BARD1: variants seen among roughly 807,000 people sequenced by gnomAD.
BARD1 encodes the protein BRCA1 associated RING domain 1, also known as BRCA1-associated RING domain protein 1.
In BARD1, 73 loss-of-function variants were observed where a neutral mutation model predicts 77.0. The observed-to-expected ratio is 0.95, with a 90% CI of 0.79 to 1.15. The LOEUF (loss-of-function observed/expected upper bound fraction) is 1.15. BARD1 is among the 50% of genes most tolerant of loss of function. The pLI is 0.00. For synonymous variants in BARD1, 384 were observed against 338.0 expected, an observed-to-expected ratio of 1.14 and a Z score of -1.49; for missense variants, 993 against 938.8, an observed-to-expected ratio of 1.06 and a Z score of -0.75.
intron 1 of BARD1, among the ~76,000 whole-genome samples, chr2:214,806,895 C>A (rs1366893974): frequency 1.9e-5 from 2 of 103,006 alleles, no homozygotes; most frequent in African/African-American, 7.1e-5. Context: ...AAAAAAAAGG[C>A]ACCCCATGTG....
chr2:214,728,016 T>C lies in BARD1; in HGVS notation c.*660A>G, dbSNP rs1692154064. On this transcript the variant is annotated 3_prime_UTR_variant, in exon 11 of 11. Coordinates refer to ENST00000260947, the MANE Select transcript of BARD1 (RefSeq NM_000465.4). Reference sequence around the variant, plus strand: ...ATGTACAGAATAAAAATATGTACCATGAGCCTAGTGTTGATTTTTACCACA... The same window carrying C: ...ATGTACAGAATAAAAATATGTACCACGAGCCTAGTGTTGATTTTTACCACA... 1 of 221,636 alleles carries C rather than the reference T, an allele frequency of 4.5e-6. No homozygotes were observed. Among genetic ancestry groups the C allele is most frequent in the Admixed American group, 5.7e-5 (1 of 17,428 alleles). The allele number at this position is 221,636 out of a possible 1,614,324, so 13.7% of individuals were successfully genotyped here.
chr2:214,795,789 A>C (rs1695728777), intron 2 of BARD1, among the ~76,000 whole-genome samples: 1 of 152,182 alleles, frequency 6.6e-6, no homozygotes, highest in Non-Finnish European at 1.5e-5. Flanking sequence ...TTACCCAGGC[A>C]GGAAAAGGCT....
intron 1 of BARD1, among the ~76,000 whole-genome samples, chr2:214,804,780 C>G (rs745934442): frequency 6.6e-6 from 1 of 152,194 alleles, no homozygotes; most frequent in Non-Finnish European, 1.5e-5. Flanking sequence ...GACCCAGTCC[C>G]CCTTTACCCT....
chr2:214,764,932 T>C (rs1174249205), intron 6 of BARD1, among the ~76,000 whole-genome samples: 3 of 146,642 alleles, frequency 2.0e-5, no homozygotes, highest in East Asian at 4.0e-4. Flanking sequence ...TCTTGTACCC[T>C]AGGATTAAAT....
intron 4 of BARD1, among the ~76,000 whole-genome samples, chr2:214,771,633 C>T (rs959772944): frequency 1.3e-5 from 2 of 151,498 alleles, no homozygotes; most frequent in African/African-American, 4.9e-5. Context: ...GAGGCTGAGA[C>T]AGGAGAACTG....
chr2:214,800,603 A>G (rs1002142916), intron 1 of BARD1, among the ~76,000 whole-genome samples: 10 of 152,240 alleles, frequency 6.6e-5, no homozygotes, highest in Admixed American at 4.6e-4. Flanking sequence ...TATCAAGAAT[A>G]TAAATGCATC....
At chr2:214,732,142 A>C (rs1057014314) in intron 9 of BARD1, among the ~76,000 whole-genome samples, 1 of 152,218 alleles carries the variant, frequency 6.6e-6, no homozygotes, top group Non-Finnish European at 1.5e-5. Context: ...ACCTCTTGAA[A>C]AATGCTAGTG....
rs369561166 is a variant in BARD1 at position 214,781,306 on chromosome 2, C to G, written c.568G>C (p.Asp190His). The G allele has an allele frequency of 6.2e-7, 1 of 1,611,552 alleles. No individual in the cohort carries two copies. The highest frequency in any genetic ancestry group is 2.2e-5 in the East Asian group (1 of 44,854). ...GCCTTTTTAGCCCTCTCAGAAACATCTGCAGGAGGACTTGGGGAAACAAAT... is the reference window on the plus strand; with the variant it reads ...GCCTTTTTAGCCCTCTCAGAAACATGTGCAGGAGGACTTGGGGAAACAAAT... Reference protein sequence around the residue: ...YEFVSPSPPADVSERAKKASA... With the variant: ...YEFVSPSPPAHVSERAKKASA... Residue 190 changes from aspartate (D) to histidine (H), a missense_variant, in exon 4 of 11, where the codon GAT (aspartate) becomes CAT (histidine). By Grantham distance (81) the Asp-to-His change is moderately conservative (BLOSUM62 -1). Transcript: ENST00000260947.
At chr2:214,766,275 G>C (rs1694190446) in intron 6 of BARD1, among the ~76,000 whole-genome samples, 2 of 152,082 alleles carry the variant, frequency 1.3e-5, no homozygotes, top group African/African-American at 2.4e-5. Context: ...AACCTCATGT[G>C]AATGATGTAA....
At chr2:214,738,111 T>C (rs1255012323) in intron 9 of BARD1, among the ~76,000 whole-genome samples, 1 of 152,188 alleles carries the variant, frequency 6.6e-6, no homozygotes, top group Non-Finnish European at 1.5e-5. Context: ...ACTAACCTTA[T>C]AAAATGTATG....
chr2:214,774,683 A>T (rs749151848), intron 4 of BARD1, among the ~76,000 whole-genome samples: 3 of 152,154 alleles, frequency 2.0e-5, no homozygotes, highest in Non-Finnish European at 4.4e-5. Flanking sequence ...CTGTCCTTTG[A>T]AGCCAGGCAT....
At chr2:214,751,079 C>CTGTGTGTG (rs760986670) in intron 7 of BARD1, among the ~76,000 whole-genome samples, 230 of 39,318 alleles carry the variant, frequency 5.8e-3, no homozygotes, top group Non-Finnish European at 8.7e-3. Context: ...CTGTGAAATT[C>CTGTGTGTG]TGTGTGTGTG....
intron 1 of BARD1, among the ~76,000 whole-genome samples, chr2:214,803,194 C>A (rs1219214043): frequency 6.6e-6 from 1 of 151,850 alleles, no homozygotes; most frequent in African/African-American, 2.4e-5. Context: ...TGCGGAAGGA[C>A]CCCTGCCTAG....
intron 6 of BARD1, among the ~76,000 whole-genome samples, chr2:214,758,965 C>T (rs1022782603): frequency 6.6e-5 from 10 of 152,148 alleles, no homozygotes; most frequent in Admixed American, 5.9e-4. Flanking sequence ...AAATCTATCA[C>T]GCATGACAGG....
intron 1 of BARD1, among the ~76,000 whole-genome samples, chr2:214,808,636 A>C (rs1291328031): frequency 6.6e-6 from 1 of 152,236 alleles, no homozygotes; most frequent in African/African-American, 2.4e-5. Flanking sequence ...AAATGAGACA[A>C]ACCTTTCTTG....
At position 214,742,580 on chromosome 2, in the gene BARD1, A is replaced by G. The variant is rs78221738; in HGVS notation, c.1903+2487T>C. ...ATCCTAAAAGAACCATTGATATTAG[A>G]GGATGTTATTCACTACTGTCAGAAT... On this transcript the variant is annotated intron_variant, in intron 9 of 10. Transcript: ENST00000260947. Among the ~76,000 whole-genome samples the G allele has an allele frequency of 2.6e-3, 396 of 152,272 alleles. 4 individuals carry two copies. The East Asian group carries it at 0.039, about 15-fold the overall frequency.
At chr2:214,793,847 G>A (rs1220620694) in intron 2 of BARD1, among the ~76,000 whole-genome samples, 1 of 151,984 alleles carries the variant, frequency 6.6e-6, no homozygotes, top group Non-Finnish European at 1.5e-5. Flanking sequence ...AAATCATGCT[G>A]AGTAACAGAT....
At chr2:214,746,245 T>C (rs1693111032) in intron 7 of BARD1, among the ~76,000 whole-genome samples, 2 of 152,218 alleles carry the variant, frequency 1.3e-5, no homozygotes, top group South Asian at 4.1e-4. Flanking sequence ...CAAACTTGTT[T>C]AGTTTAAACT....
chr2:214,740,096 T>A (rs765949527), intron 9 of BARD1, among the ~76,000 whole-genome samples: 3 of 152,006 alleles, frequency 2.0e-5, no homozygotes, highest in Non-Finnish European at 2.9e-5. Flanking sequence ...CCGAACACAG[T>A]CTAACGTCCA....
Sources: gnomAD v4.1 joint callset for allele counts (sites outside exome capture counted in the v4.1 genomes callset) on GRCh38, gnomAD v4.1.1 for gene constraint, MANE v1.5 for transcripts, NCBI Gene and HGNC (gene_info 2026-07-23, HGNC 2026-07-21) for gene names.